SPNS2: variants seen among roughly 807,000 people sequenced by gnomAD.
SPNS2 encodes sphingosine-1-phosphate transporter SPNS2.
A neutral mutation model predicts 57.6 loss-of-function variants in SPNS2; 37 were observed. That is an observed-to-expected ratio of 0.64 (90% CI 0.49 to 0.85). The LOEUF is 0.85. Ranked by LOEUF, SPNS2 falls within the 40% of genes least tolerant of loss-of-function variation. SPNS2 has a pLI of 0.00. For missense variants in SPNS2, 831 were observed against 779.1 expected, an observed-to-expected ratio of 1.07 and a Z score of -0.79; for synonymous variants, 440 against 346.9, an observed-to-expected ratio of 1.27 and a Z score of -2.98.
chr17:4,538,658 CAA>C lies in SPNS2; in HGVS notation c.*1211_*1212del. 1 of 529,546 alleles carries C rather than the reference CAA, an allele frequency of 1.9e-6. No individual in the cohort carries two copies. Among genetic ancestry groups the C allele is most frequent in the Middle Eastern group, 5.2e-4 (1 of 1,932 alleles). 32.8% of individuals were successfully genotyped at this position (529,546 alleles called of 1,614,324 possible). On this transcript the variant is annotated 3_prime_UTR_variant, in exon 13 of 13. Coordinates refer to ENST00000329078, the MANE Select transcript of SPNS2 (RefSeq NM_001124758.3). ...GGGGTGGGGGGTGAGGCCTTGTGGCCAATGGGGGACCCCCCAAGAGCCAGCTT... is the reference window on the plus strand; with the variant it reads ...GGGGTGGGGGGTGAGGCCTTGTGGCCTGGGGGACCCCCCAAGAGCCAGCTT...
rs954876428 is a variant in SPNS2, at chr17:4,536,711, C to T, written c.1608-189C>T. 5 of 638,100 alleles carry T rather than the reference C, an allele frequency of 7.8e-6. No homozygotes were observed. In the East Asian group the frequency reaches 8.2e-5, roughly 11 times the overall value. 39.5% of individuals were successfully genotyped at this position (638,100 alleles called of 1,614,324 possible). On this transcript the variant is annotated intron_variant, in intron 11 of 12. Coordinates refer to ENST00000329078, the MANE Select transcript of SPNS2 (RefSeq NM_001124758.3). The stretch of plus-strand genomic sequence containing the variant: ...CTTCCTCTTACTTTCTGACTTCTTT[C>T]TCCTTTCCTCTTTACTCCTCTCTCT...
At chr17:4,536,526 A>C (rs545438453) in intron 11 of SPNS2, 100 bp downstream of exon 11, 1 of 1,375,334 alleles carries the variant, frequency 7.3e-7, no homozygotes, top group Admixed American at 2.0e-5. Flanking sequence ...GAGGGTACAG[A>C]CCTCCCATGC....
rs771123909 is a variant in SPNS2, at chr17:4,538,898, C to T, written c.*1450C>T. On this transcript the variant is annotated 3_prime_UTR_variant, in exon 13 of 13. Transcript: ENST00000329078. ...TTTCTTGTTGTACAAGAACCAGGTCCGAGTGTTGCCTCCTCTTCCTTCCGG... is the reference window on the plus strand; with the variant it reads ...TTTCTTGTTGTACAAGAACCAGGTCTGAGTGTTGCCTCCTCTTCCTTCCGG... 1.8e-5 allele frequency: 14 copies of T among 781,270 alleles called. No individual in the cohort carries two copies. Among genetic ancestry groups the T allele is most frequent in the Non-Finnish European group, 2.9e-5 (12 of 418,398 alleles). The allele number at this position is 781,270 out of a possible 1,614,324, so 48.4% of individuals were successfully genotyped here.
Position 4,537,988 on chromosome 17 carries a change from CGGACCTTGGGGATATT to C in SPNS2, c.*545_*560del. The C allele has an allele frequency of 2.8e-6, 1 of 355,288 alleles. No individual in the cohort carries two copies. Among genetic ancestry groups the C allele is most frequent in the South Asian group, 2.1e-5 (1 of 47,848 alleles). 22.0% of individuals were successfully genotyped at this position (355,288 alleles called of 1,614,324 possible). A position where few individuals can be genotyped will look rare whatever the true frequency, so the allele number is the denominator to read the frequency against. On this transcript the variant is annotated 3_prime_UTR_variant, in exon 13 of 13. Coordinates refer to ENST00000329078, the MANE Select transcript of SPNS2 (RefSeq NM_001124758.3). ...CAGGGACCACTGCTCAGCTGGGCCT[CGGACCTTGGGGATATT>C]GGACGCAACCTGGCAAATGAAGCTG... is the stretch of plus-strand genomic sequence containing the variant.
chr17:4,499,179 C>A lies in SPNS2; in HGVS notation c.132C>A (p.Gly44=). 8.0e-7 allele frequency: 1 copy of A among 1,242,498 alleles called. No individual in the cohort carries two copies. Among genetic ancestry groups the A allele is most frequent in the Non-Finnish European group, 1.0e-6 (1 of 994,506 alleles). 77.0% of individuals were successfully genotyped at this position (1,242,498 alleles called of 1,614,324 possible). Residue 44 remains glycine, a synonymous_variant, in exon 1 of 13, where the codon GGC becomes GGA. Transcript: ENST00000329078. The surrounding 1 kb of genome is among the most constrained non-coding windows in gnomAD (Gnocchi z 5.2). ...GTAGCGGTTGCTGCGGGGCGCGGGG[C>A]GCGGGCGGCGCTGGAGTCTCGGCCG... ...AGGSGCCGAR[G]AGGAGVSAAG... is the part of the protein sequence containing the mutation.
chr17:4,531,937 C>T (rs1458617647), intron 5 of SPNS2, among the ~76,000 whole-genome samples: 2 of 152,166 alleles, frequency 1.3e-5, no homozygotes, highest in Non-Finnish European at 1.5e-5. Flanking sequence ...GGGCCCCCAC[C>T]AAATGCCAGC....
rs369308303 is a variant in SPNS2 at position 4,538,555 on chromosome 17, G to A, written c.*1107G>A. ...GCCAACTTCACACCAGCCCCAACCCGCTTTGGGGGAGCTTAGCCCCCTGCG... is the reference window on the plus strand; with the variant it reads ...GCCAACTTCACACCAGCCCCAACCCACTTTGGGGGAGCTTAGCCCCCTGCG... On this transcript the variant is annotated 3_prime_UTR_variant, in exon 13 of 13. Coordinates refer to ENST00000329078, the MANE Select transcript of SPNS2 (RefSeq NM_001124758.3). The A allele has an allele frequency of 7.5e-5, 26 of 346,578 alleles. No individual in the cohort carries two copies. The highest frequency in any genetic ancestry group is 1.6e-4 in the East Asian group (2 of 12,422). The allele number at this position is 346,578 out of a possible 1,614,324, so 21.5% of individuals were successfully genotyped here.
Position 4,538,855 on chromosome 17 carries a change from G to A in SPNS2, c.*1407G>A. 1.3e-6 allele frequency: 1 copy of A among 780,312 alleles called. No homozygotes were observed. Among genetic ancestry groups the A allele is most frequent in the Non-Finnish European group, 2.4e-6 (1 of 417,774 alleles). 48.3% of individuals were successfully genotyped at this position (780,312 alleles called of 1,614,324 possible). On this transcript the variant is annotated 3_prime_UTR_variant, in exon 13 of 13. Coordinates refer to ENST00000329078, the MANE Select transcript of SPNS2 (RefSeq NM_001124758.3). Reference sequence around the variant, plus strand: ...AGCCTCCACCCCCACTCCAGCCTCAGCGGGGCCCCAGCGATGTTTTCTTGT... The same window carrying A: ...AGCCTCCACCCCCACTCCAGCCTCAACGGGGCCCCAGCGATGTTTTCTTGT...
At chr17:4,518,357 T>C (rs1475525378) in intron 2 of SPNS2, among the ~76,000 whole-genome samples, 1 of 152,170 alleles carries the variant, frequency 6.6e-6, no homozygotes, top group African/African-American at 2.4e-5. Context: ...ACCCCGTCTC[T>C]GCTAAAAATA....
rs1308393764 is a variant in SPNS2, at chr17:4,536,704, CTTCT to C, written c.1608-191_1608-188del. 7.6e-5 allele frequency: 48 copies of C among 632,364 alleles called. No individual in the cohort carries two copies. In the East Asian group the frequency reaches 9.4e-4, roughly 12 times the overall value. 39.2% of individuals were successfully genotyped at this position (632,364 alleles called of 1,614,324 possible). A position where few individuals can be genotyped will look rare whatever the true frequency, so the allele number is the denominator to read the frequency against. ...CCCTCCCCTTCCTCTTACTTTCTGA[CTTCT>C]TTCTCCTTTCCTCTTTACTCCTCTC... On this transcript the variant is annotated intron_variant, in intron 11 of 12. Transcript: ENST00000329078.
chr17:4,530,618 A>G lies in SPNS2; in HGVS notation c.574-14A>G. 1.4e-5 allele frequency: 22 copies of G among 1,606,692 alleles called. No individual in the cohort carries two copies. Among genetic ancestry groups the G allele is most frequent in the Non-Finnish European group, 1.6e-5 (19 of 1,176,284 alleles). On this transcript the variant is annotated splice_polypyrimidine_tract_variant and intron_variant, in intron 3 of 12. Transcript: ENST00000329078. ...GGTAGTCGGTCCCCCAGCATCCTCC[A>G]CCCCTCCTCACAGTACTTCTGGCTG...
Position 4,499,137 on chromosome 17 carries a change from G to T in SPNS2, c.90G>T (p.Ala30=), listed in dbSNP as rs1904372220. ...AGCGGCGGCGCCGGCGCCGGGGGGC[G>T]CAGCGAGGGGCTGGCGGTAGCGGTT... ...DAERRRRRRG[A]QRGAGGSGCC... is the part of the protein sequence containing the mutation. Residue 30 remains alanine (A), a synonymous_variant, in exon 1 of 13, where the codon GCG becomes GCT. Transcript: ENST00000329078. This position sits in a 1 kb window ranked among gnomAD's most constrained non-coding sequence, Gnocchi z 5.2. The T allele has an allele frequency of 1.7e-6, 2 of 1,164,142 alleles. No homozygotes were observed. Among genetic ancestry groups the T allele is most frequent in the Admixed American group, 4.7e-5 (1 of 21,396 alleles). The allele number at this position is 1,164,142 out of a possible 1,614,324, so 72.1% of individuals were successfully genotyped here.
At chr17:4,519,541 G>A (rs983470451) in intron 2 of SPNS2, among the ~76,000 whole-genome samples, 10 of 148,246 alleles carry the variant, frequency 6.7e-5, no homozygotes, top group Non-Finnish European at 1.5e-4. Context: ...CTGCTGTCAC[G>A]GCCCTGCCCG....
Position 4,536,403 on chromosome 17 carries a change from C to CGACCGCGCCAGGGCT in SPNS2, c.1587_1601dup (p.Asp529_Ala533dup), listed in dbSNP as rs754274313. The stretch of plus-strand genomic sequence containing the variant: ...TCGCCACTGCGCTCTTCTTCGTCAG[C>CGACCGCGCCAGGGCT]GACCGCGCCAGGGCTGAGCAGCAGT... On this transcript the variant is annotated inframe_insertion, in exon 11 of 13. Coordinates refer to ENST00000329078, the MANE Select transcript of SPNS2 (RefSeq NM_001124758.3). The CGACCGCGCCAGGGCT allele has an allele frequency of 1.9e-6, 3 of 1,603,952 alleles. No homozygotes were observed. Among genetic ancestry groups the CGACCGCGCCAGGGCT allele is most frequent in the Middle Eastern group, 1.7e-4 (1 of 6,048 alleles).
chr17:4,536,190 G>C lies in SPNS2; in HGVS notation c.1443+16G>C. The C allele has an allele frequency of 6.2e-6, 10 of 1,610,206 alleles. No homozygotes were observed. Among genetic ancestry groups the C allele is most frequent in the Non-Finnish European group, 8.5e-6 (10 of 1,178,744 alleles). On this transcript the variant is annotated intron_variant, in intron 10 of 12. Transcript: ENST00000329078. Reference sequence around the variant, plus strand: ...CATTGGCTTTGTGAGTAGCCCCGGGGTGGGGCTGGCCAGGGCAGGCTGGGG... The same window carrying C: ...CATTGGCTTTGTGAGTAGCCCCGGGCTGGGGCTGGCCAGGGCAGGCTGGGG...
intron 2 of SPNS2, among the ~76,000 whole-genome samples, chr17:4,520,392 G>GGCTCCGCTCACC (rs1905109200): frequency 6.6e-6 from 1 of 152,192 alleles, no homozygotes; most frequent in Non-Finnish European, 1.5e-5. Context: ...AATGGAGCAT[G>GGCTCCGCTCACC]ATGGCCGGGG....
intron 5 of SPNS2, among the ~76,000 whole-genome samples, chr17:4,532,183 C>T (rs1905514705): frequency 1.3e-5 from 2 of 152,028 alleles, no homozygotes; most frequent in African/African-American, 2.4e-5. Flanking sequence ...TCTATCCGTC[C>T]ATCCCTCCAT....
intron 3 of SPNS2, among the ~76,000 whole-genome samples, chr17:4,529,235 G>A (rs1027949355): frequency 7.3e-5 from 11 of 150,704 alleles, no homozygotes; most frequent in Middle Eastern, 3.2e-3. Flanking sequence ...CGCCTGGCCC[G>A]ATTTTTATCT....
intron 9 of SPNS2, 71 bp downstream of exon 9, chr17:4,533,924 G>GT: frequency 8.2e-6 from 10 of 1,226,552 alleles, no homozygotes; most frequent in Non-Finnish European, 1.2e-5. Flanking sequence ...GGTGCCTGGG[G>GT]AGGGCGGGTG....
Sources: allele counts gnomAD v4.1 joint callset (sites outside exome capture counted in the v4.1 genomes callset), GRCh38; gene constraint gnomAD v4.1.1; non-coding constraint Gnocchi (gnomAD v3.1); transcripts MANE v1.5; gene names NCBI Gene and HGNC (gene_info 2026-07-23, HGNC 2026-07-21).